HMGCLL1: variants seen among roughly 807,000 people sequenced by gnomAD.
HMGCLL1 encodes the protein 3-hydroxymethyl-3-methylglutaryl-CoA lyase, cytoplasmic.
Under a neutral mutation model 39.1 loss-of-function variants are expected in HMGCLL1, and 36 were observed. That is an observed-to-expected ratio of 0.92 (90% CI 0.71 to 1.22). The LOEUF is 1.22. Among genes scored for constraint, HMGCLL1 ranks in the 50% most tolerant of loss-of-function variants. HMGCLL1 has a pLI of 0.00. For missense variants in HMGCLL1, 451 were observed against 416.5 expected, an observed-to-expected ratio of 1.08 and a Z score of -0.72; for synonymous variants, 149 against 144.0, an observed-to-expected ratio of 1.03 and a Z score of -0.25.
the HMGCLL1 span, among the ~76,000 whole-genome samples, chr6:55,606,756 G>T: frequency 6.6e-6 from 1 of 152,020 alleles, no homozygotes; most frequent in Non-Finnish European, 1.5e-5. Context: ...TGGCAAAAGG[G>T]ACTTTACGCA....
At chr6:55,675,146 T>C in the HMGCLL1 span, among the ~76,000 whole-genome samples, 1 of 152,134 alleles carries the variant, frequency 6.6e-6, no homozygotes, top group East Asian at 1.9e-4. Context: ...CATGTAAACA[T>C]GGGCATAAGG....
chr6:55,545,170 A>G (rs1373635915), intron 1 of HMGCLL1, among the ~76,000 whole-genome samples: 1 of 151,212 alleles, frequency 6.6e-6, no homozygotes, highest in African/African-American at 2.4e-5. Flanking sequence ...CTTGGCACAT[A>G]CATGGCAGAA....
the HMGCLL1 span, among the ~76,000 whole-genome samples, chr6:55,618,499 G>T: frequency 6.6e-6 from 1 of 151,806 alleles, no homozygotes; most frequent in African/African-American, 2.4e-5. Flanking sequence ...AAATAGAGAA[G>T]AAATTATCAA....
At chr6:55,621,101 T>C in the HMGCLL1 span, among the ~76,000 whole-genome samples, 1 of 152,148 alleles carries the variant, frequency 6.6e-6, no homozygotes, top group East Asian at 1.9e-4. Context: ...GCTTTTGCTA[T>C]TCTGGGTCTT....
At chr6:55,655,871 A>C in the HMGCLL1 span, among the ~76,000 whole-genome samples, 1 of 151,922 alleles carries the variant, frequency 6.6e-6, no homozygotes, top group Non-Finnish European at 1.5e-5. Flanking sequence ...ACTCCTATAC[A>C]TTATCCCCTC....
the HMGCLL1 span, among the ~76,000 whole-genome samples, chr6:55,662,982 G>A: frequency 6.6e-6 from 1 of 151,592 alleles, no homozygotes; most frequent in Non-Finnish European, 1.5e-5. Context: ...GCATAGAGGT[G>A]TTCACAGTAA....
chr6:55,514,101 T>C lies in HMGCLL1; in HGVS notation c.489A>G (p.Gly163=). The change falls in exon 5 of 9, where the codon GGA becomes GGG. Residue 163 remains glycine (G), a synonymous_variant. Coordinates refer to ENST00000274901, the MANE Select transcript of HMGCLL1 (RefSeq NM_001042406.2). ...CAGACTTAACAACCTCCTCAAATTT[T>C]CCCATACTTTCTTCAATGGAACAGT... ...NINCSIEESM[G]KFEEVVKSAR... The C allele has an allele frequency of 1.2e-6, 2 of 1,613,202 alleles. No homozygotes were observed. The highest frequency in any genetic ancestry group is 1.7e-6 in the Non-Finnish European group (2 of 1,179,568).
chr6:55,551,860 A>G (rs1770343395), intron 1 of HMGCLL1, among the ~76,000 whole-genome samples: 1 of 152,062 alleles, frequency 6.6e-6, no homozygotes, highest in South Asian at 2.1e-4. Flanking sequence ...GAAAGAAAAA[A>G]CAGCATTAAA....
intron 3 of HMGCLL1, among the ~76,000 whole-genome samples, chr6:55,520,500 A>C (rs1453059190): frequency 6.6e-6 from 1 of 152,004 alleles, no homozygotes; most frequent in African/African-American, 2.4e-5. Flanking sequence ...AAAGGCAAGT[A>C]AGTAAAGAGT....
intron 3 of HMGCLL1, among the ~76,000 whole-genome samples, chr6:55,539,921 A>G (rs1055453519): frequency 1.3e-4 from 18 of 135,096 alleles, no homozygotes; most frequent in Non-Finnish European, 2.7e-4. Flanking sequence ...AAAGAAAGAA[A>G]AGGAGGATGA....
chr6:55,646,231 G>T, the HMGCLL1 span, among the ~76,000 whole-genome samples: 1 of 151,702 alleles, frequency 6.6e-6, no homozygotes, highest in African/African-American at 2.4e-5. Flanking sequence ...TGCAGTATTA[G>T]GTGTAATGGC....
chr6:55,543,259 A>C lies in HMGCLL1; in HGVS notation c.109-1119T>G, dbSNP rs1561950757. 1.2e-4 allele frequency among the ~76,000 whole-genome samples: 2 copies of C among 16,106 alleles called. 1 individual carries two copies. The highest frequency in any genetic ancestry group is 2.4e-4 in the Non-Finnish European group (2 of 8,364). 10.6% of individuals were successfully genotyped at this position (16,106 alleles called of 152,430 possible). On this transcript the variant is annotated intron_variant, in intron 1 of 8. Coordinates refer to ENST00000274901, the MANE Select transcript of HMGCLL1 (RefSeq NM_001042406.2). ...GATATAATATAGATATATAATATAT[A>C]ATATAATATATCTATATTATATATA...
At chr6:55,555,722 T>C (rs1447500349) in intron 1 of HMGCLL1, among the ~76,000 whole-genome samples, 1 of 152,224 alleles carries the variant, frequency 6.6e-6, no homozygotes, top group Non-Finnish European at 1.5e-5. Flanking sequence ...ACATGGTGTG[T>C]CTTGACACTC....
the HMGCLL1 span, among the ~76,000 whole-genome samples, chr6:55,677,070 C>A: frequency 6.6e-6 from 1 of 152,152 alleles, no homozygotes; most frequent in Non-Finnish European, 1.5e-5. Flanking sequence ...TTTTCAAGCC[C>A]AGATAACAGG....
At chr6:55,621,177 G>A in the HMGCLL1 span, among the ~76,000 whole-genome samples, 1 of 152,234 alleles carries the variant, frequency 6.6e-6, no homozygotes, top group East Asian at 1.9e-4. Flanking sequence ...TTGGTCTTTT[G>A]ATAGAGATTG....
chr6:55,477,189 AT>A (rs1765360922), intron 7 of HMGCLL1, among the ~76,000 whole-genome samples: 1 of 33,692 alleles, frequency 3.0e-5, no homozygotes, highest in Non-Finnish European at 4.5e-5. Flanking sequence ...ATATTTATAT[AT>A]TATATATTAT....
chr6:55,468,146 T>A (rs1232807312), intron 7 of HMGCLL1, among the ~76,000 whole-genome samples: 1 of 151,998 alleles, frequency 6.6e-6, no homozygotes, highest in Admixed American at 6.6e-5. Context: ...AGACTCGATA[T>A]TAAGGTTGCA....
the HMGCLL1 span, among the ~76,000 whole-genome samples, chr6:55,647,742 T>TA: frequency 4.3e-4 from 53 of 124,332 alleles, no homozygotes; most frequent in African/African-American, 1.8e-3. Flanking sequence ...TCTTTTTTTT[T>TA]TCCTTTTTTT....
At chr6:55,610,214 GGTGA>G in the HMGCLL1 span, among the ~76,000 whole-genome samples, 1 of 151,996 alleles carries the variant, frequency 6.6e-6, no homozygotes, top group Non-Finnish European at 1.5e-5. Context: ...GGCTTCAGAA[GGTGA>G]GTAATAACAA....
Sources: gnomAD v4.1 joint callset for allele counts (sites outside exome capture counted in the v4.1 genomes callset) on GRCh38, gnomAD v4.1.1 for gene constraint, MANE v1.5 for transcripts, NCBI Gene and HGNC (gene_info 2026-07-23, HGNC 2026-07-21) for gene names.